TMEM181: variants seen among roughly 807,000 people sequenced by gnomAD.
TMEM181 encodes transmembrane protein 181.
TMEM181 carries 39 observed loss-of-function variants against 71.9 expected under a neutral mutation model. That is an observed-to-expected ratio of 0.54 (90% CI 0.42 to 0.71). The LOEUF (loss-of-function observed/expected upper bound fraction) is 0.71, where lower values mean the gene tolerates loss of function less well. Among genes scored for constraint, TMEM181 ranks in the 30% least tolerant of loss-of-function variants. The pLI is 0.00. For synonymous variants in TMEM181, 245 were observed against 228.8 expected, an observed-to-expected ratio of 1.07 and a Z score of -0.64; for missense variants, 595 against 583.0, an observed-to-expected ratio of 1.02 and a Z score of -0.21.
intron 2 of TMEM181, among the ~76,000 whole-genome samples, chr6:158,575,973 A>G (rs544895483): frequency 1.3e-3 from 191 of 152,276 alleles, no homozygotes; most frequent in African/African-American, 4.5e-3. Context: ...GTTTCCTTTG[A>G]CTACTTCTTT....
chr6:158,590,223 G>C (rs1784029557), intron 6 of TMEM181, among the ~76,000 whole-genome samples: 2 of 152,158 alleles, frequency 1.3e-5, no homozygotes, highest in South Asian at 4.1e-4. Context: ...GCATAGTGAT[G>C]AGGAGTGGGG....
chr6:158,548,008 T>C (rs1235040609), intron 1 of TMEM181, among the ~76,000 whole-genome samples: 1 of 151,808 alleles, frequency 6.6e-6, no homozygotes, highest in African/African-American at 2.4e-5. Flanking sequence ...GCTTTGGTGC[T>C]GACTGACATG....
chr6:158,630,277 T>C (rs1786586723), intron 15 of TMEM181, among the ~76,000 whole-genome samples: 1 of 152,074 alleles, frequency 6.6e-6, no homozygotes, highest in African/African-American at 2.4e-5. Context: ...GGGAGGATTG[T>C]TTGAGGCTGG....
chr6:158,573,288 C>T, intron 1 of TMEM181, 132 bp from the exon 2 acceptor site: 1 of 651,452 alleles, frequency 1.5e-6, no homozygotes, highest in South Asian at 1.9e-5. Flanking sequence ...CAGTGCAGGC[C>T]CACTTCAGAA....
At chr6:158,595,113 A>T (rs899111219) in intron 6 of TMEM181, among the ~76,000 whole-genome samples, 1 of 152,232 alleles carries the variant, frequency 6.6e-6, no homozygotes, top group African/African-American at 2.4e-5. Flanking sequence ...TGGCTGTCAG[A>T]TATTTCAGAA....
chr6:158,571,593 C>T (rs111547171), intron 1 of TMEM181, among the ~76,000 whole-genome samples: 7,582 of 151,928 alleles, frequency 0.05, 522 homozygotes, highest in African/African-American at 0.14. Context: ...CCACCGCGCC[C>T]GGCCATCTGC....
intron 10 of TMEM181, among the ~76,000 whole-genome samples, chr6:158,618,948 G>A (rs1049853035): frequency 6.6e-6 from 1 of 152,144 alleles, no homozygotes; most frequent in African/African-American, 2.4e-5. Context: ...CAACCTTGGT[G>A]AATCTGACAA....
chr6:158,553,423 T>C (rs185308250), intron 1 of TMEM181, among the ~76,000 whole-genome samples: 26 of 152,348 alleles, frequency 1.7e-4, no homozygotes, highest in Middle Eastern at 3.4e-3. Context: ...ACCATTTTTA[T>C]AGCCTGTGCA....
chr6:158,611,811 G>C (rs1785332176), intron 10 of TMEM181: 4 of 195,912 alleles, frequency 2.0e-5, no homozygotes, highest in Admixed American at 1.1e-4. Context: ...CCTTCTGGCC[G>C]AGTTAGGTCA....
At chr6:158,584,602 G>A (rs1561682) in intron 4 of TMEM181, among the ~76,000 whole-genome samples, 50,089 of 152,120 alleles carry the variant, frequency 0.33, 8,793 homozygotes, top group East Asian at 0.65. Context: ...CACTAGTTTT[G>A]TATCATCCTA....
chr6:158,592,432 C>T (rs1459613921), intron 6 of TMEM181, among the ~76,000 whole-genome samples: 1 of 151,786 alleles, frequency 6.6e-6, no homozygotes, highest in East Asian at 1.9e-4. Context: ...ATTGCTTGAG[C>T]CCAGGAGTTC....
chr6:158,607,885 A>G (rs1222553802), intron 8 of TMEM181, among the ~76,000 whole-genome samples: 1 of 152,176 alleles, frequency 6.6e-6, no homozygotes, highest in Non-Finnish European at 1.5e-5. Context: ...GCAGTCCTGG[A>G]ACTTGGCTGA....
chr6:158,551,086 A>C (rs1407448306), intron 1 of TMEM181, among the ~76,000 whole-genome samples: 1 of 151,478 alleles, frequency 6.6e-6, no homozygotes, highest in Admixed American at 6.6e-5. Flanking sequence ...CAGCCTCCCG[A>C]GTAGCTGGGA....
At chr6:158,610,389 C>T (rs749998050) in intron 10 of TMEM181, 18 of 282,036 alleles carry the variant, frequency 6.4e-5, no homozygotes, top group Admixed American at 1.5e-4. Flanking sequence ...GAGATGCAAC[C>T]CTGAAATTCC....
At chr6:158,551,070 C>T (rs1414239329) in intron 1 of TMEM181, among the ~76,000 whole-genome samples, 1 of 151,604 alleles carries the variant, frequency 6.6e-6, no homozygotes, top group African/African-American at 2.4e-5. Context: ...AGTGATTCTC[C>T]TGCCTCAGCC....
At chr6:158,555,523 G>C (rs111773193), upstream of TMEM181, among the ~76,000 whole-genome samples, 2,664 of 150,818 alleles carry the variant, frequency 0.018, 83 homozygotes, top group African/African-American at 0.06. Flanking sequence ...GAAAAAAATA[G>C]AGATAGAGAA....
intron 10 of TMEM181, among the ~76,000 whole-genome samples, chr6:158,616,042 T>G (rs562556522): frequency 1.6e-3 from 241 of 152,290 alleles, no homozygotes; most frequent in African/African-American, 5.3e-3. Flanking sequence ...TAGCTTAATG[T>G]GGATGGCATT....
At chr6:158,615,104 A>G (rs1039379474) in intron 10 of TMEM181, among the ~76,000 whole-genome samples, 2 of 152,216 alleles carry the variant, frequency 1.3e-5, no homozygotes, top group African/African-American at 2.4e-5. Flanking sequence ...ACTCCCACCA[A>G]CAGTGTAAAA....
At chr6:158,587,363 A>G (rs1416963791) in intron 5 of TMEM181, among the ~76,000 whole-genome samples, 2 of 152,014 alleles carry the variant, frequency 1.3e-5, no homozygotes, top group African/African-American at 2.4e-5. Flanking sequence ...CTCATTTTAC[A>G]CTGTGTTACC....
Sources: gnomAD v4.1 joint callset for allele counts (sites outside exome capture counted in the v4.1 genomes callset) on GRCh38, gnomAD v4.1.1 for gene constraint, MANE v1.5 for transcripts, NCBI Gene and HGNC (gene_info 2026-07-23, HGNC 2026-07-21) for gene names.